The following ARMH4 variants were observed in gnomAD, a reference collection of about 807,000 sequenced individuals.
ARMH4 encodes armadillo-like helical domain-containing protein 4.
A neutral mutation model predicts 61.9 loss-of-function variants in ARMH4; 49 were observed. The ratio of observed to expected loss-of-function variants is 0.79; its 90% CI spans 0.63 to 1.00. ARMH4 has a LOEUF of 1.00. ARMH4 is among the 50% of genes least tolerant of loss of function. The probability of loss-of-function intolerance (pLI) is 0.00; values close to 1 mark genes in which losing one functional copy is unlikely to be tolerated. For synonymous variants in ARMH4, 368 were observed against 341.5 expected (o/e 1.08, Z -0.85); for missense variants, 934 against 930.0 (o/e 1.00, Z -0.06).
In ARMH4 at chr14:58,028,160, A is replaced by AC. The variant is rs112900593; in HGVS notation, c.2090-16011dup. On this transcript the variant is annotated intron_variant, in intron 5 of 7. Transcript: ENST00000267485. ...CACTTGGCCAGGTTCTTAAGATGCTACCCCTCCTGTTTGTTACATTTATTT... is the reference window on the plus strand; with the variant it reads ...CACTTGGCCAGGTTCTTAAGATGCTACCCCCTCCTGTTTGTTACATTTATTT... Among the ~76,000 whole-genome samples, 927 of 152,144 alleles carry AC rather than the reference A, an allele frequency of 6.1e-3. 13 individuals are homozygous for AC. The highest frequency in any genetic ancestry group is 0.021 in the African/African-American group (863 of 41,490).
At chr14:58,086,728 C>CA (rs1885397241) in intron 5 of ARMH4, among the ~76,000 whole-genome samples, 1 of 151,804 alleles carries the variant, frequency 6.6e-6, no homozygotes, top group Non-Finnish European at 1.5e-5. Context: ...TGAGGTTCCC[C>CA]AAAAAAATAA....
chr14:58,139,082 T>A lies in ARMH4; in HGVS notation c.277A>T (p.Asn93Tyr), dbSNP rs372027054. 109 of 1,614,120 alleles carry A rather than the reference T, an allele frequency of 6.8e-5. 1 individual carries two copies. The highest frequency in any genetic ancestry group is 8.9e-5 in the Non-Finnish European group (105 of 1,180,044). ...ATSLNKAFSI[N>Y]KETQPGQAGL... ...GCTTGTCCAGGCTGGGTTTCTTTGT[T>A]AATCGAGAATGCTTTATTTAATGAT... The change falls in exon 2 of 8, where the codon AAC becomes TAC. Residue 93 changes from asparagine to tyrosine, a missense_variant. Coordinates refer to ENST00000267485, the MANE Select transcript of ARMH4 (RefSeq NM_001001872.4).
chr14:58,093,086 C>A (rs893359027), intron 5 of ARMH4, among the ~76,000 whole-genome samples: 2 of 152,044 alleles, frequency 1.3e-5, no homozygotes, highest in Admixed American at 6.5e-5. Context: ...TTATAGGGGG[C>A]TTTTACCCCA....
At chr14:58,140,655 C>G (rs1045974468) in intron 1 of ARMH4, among the ~76,000 whole-genome samples, 1 of 151,834 alleles carries the variant, frequency 6.6e-6, no homozygotes, top group African/African-American at 2.4e-5. Flanking sequence ...AATCCCAGCA[C>G]TTTGGGATAC....
intron 2 of ARMH4, 138 bp downstream of exon 2, chr14:58,137,852 G>T: frequency 1.2e-6 from 1 of 869,138 alleles, no homozygotes; most frequent in South Asian, 1.9e-5. Context: ...CTCCGAAAAT[G>T]CTGGGATTAT....
At chr14:58,103,644 A>C (rs755293768) in intron 4 of ARMH4, among the ~76,000 whole-genome samples, 1 of 151,902 alleles carries the variant, frequency 6.6e-6, no homozygotes, top group East Asian at 1.9e-4. Flanking sequence ...GCTGGAGTGC[A>C]GTAATGTGCA....
chr14:58,072,844 G>C (rs1884928376), intron 5 of ARMH4, among the ~76,000 whole-genome samples: 1 of 152,144 alleles, frequency 6.6e-6, no homozygotes, highest in South Asian at 2.1e-4. Flanking sequence ...CCTGAGACAA[G>C]ACCACAGGGT....
chr14:58,050,777 C>T (rs1398414985), intron 5 of ARMH4, among the ~76,000 whole-genome samples: 2 of 151,902 alleles, frequency 1.3e-5, no homozygotes, highest in African/African-American at 4.8e-5. Context: ...ATAGCCAGAA[C>T]TTTTTCATGT....
At chr14:58,134,792 T>C (rs1341534227) in intron 2 of ARMH4, among the ~76,000 whole-genome samples, 1 of 151,724 alleles carries the variant, frequency 6.6e-6, no homozygotes, top group Non-Finnish European at 1.5e-5. Flanking sequence ...CCATCTCTAC[T>C]AAAAACACAA....
intron 5 of ARMH4, among the ~76,000 whole-genome samples, chr14:58,060,254 C>T (rs1452748712): frequency 6.6e-6 from 1 of 152,186 alleles, no homozygotes; most frequent in Non-Finnish European, 1.5e-5. Context: ...CTCTCCTAAA[C>T]AAGGCAGCAT....
intron 6 of ARMH4, among the ~76,000 whole-genome samples, chr14:58,006,602 T>A (rs1594683335): frequency 6.6e-6 from 1 of 152,286 alleles, no homozygotes; most frequent in Admixed American, 6.5e-5. Flanking sequence ...TTGAGAACAA[T>A]AGCACTGTTC....
In ARMH4 at chr14:58,139,158, T is replaced by G; in HGVS notation, c.201A>C (p.Gln67His). Residue 67 changes from glutamine to histidine, a missense_variant, in exon 2 of 8, where the codon CAA (glutamine) becomes CAC (histidine). Transcript: ENST00000267485. ...NSSVTSKQTPQLVVSEDPMMM... is the reference protein window; with the variant it reads ...NSSVTSKQTPHLVVSEDPMMM... The stretch of plus-strand genomic sequence containing the variant: ...TCATTGGATCTTCAGAGACCACCAG[T>G]TGGGGAGTCTGCTTTGAGGTAACAG... 1 of 1,614,212 alleles carries G rather than the reference T, an allele frequency of 6.2e-7. No individual in the cohort carries two copies. Among genetic ancestry groups the G allele is most frequent in the Non-Finnish European group, 8.5e-7 (1 of 1,180,030 alleles).
chr14:58,058,558 G>A (rs945978290), intron 5 of ARMH4, among the ~76,000 whole-genome samples: 2 of 152,154 alleles, frequency 1.3e-5, no homozygotes, highest in African/African-American at 2.4e-5. Context: ...TAGAGCATAC[G>A]GGGTAACTTC....
At chr14:58,116,385 A>G (rs1314744633) in intron 4 of ARMH4, 2 of 376,214 alleles carry the variant, frequency 5.3e-6, no homozygotes, top group Non-Finnish European at 1.1e-5. Context: ...CTGTTTAAAT[A>G]TTTTCTTGGC....
Position 58,027,074 on chromosome 14 carries a change from C to T in ARMH4, c.2090-14924G>A, listed in dbSNP as rs545165553. 5.8e-4 allele frequency among the ~76,000 whole-genome samples: 88 copies of T among 152,296 alleles called. 1 individual carries two copies. In the South Asian group the frequency reaches 0.017, roughly 29 times the overall value. On this transcript the variant is annotated intron_variant, in intron 5 of 7. Coordinates refer to ENST00000267485, the MANE Select transcript of ARMH4 (RefSeq NM_001001872.4). Reference sequence around the variant, plus strand: ...GTTTGTTTTCCAAAAGTTCCATTTACCAGTTCATAATCTTCACTCCTCACA... The same window carrying T: ...GTTTGTTTTCCAAAAGTTCCATTTATCAGTTCATAATCTTCACTCCTCACA...
intron 5 of ARMH4, among the ~76,000 whole-genome samples, chr14:58,024,932 A>T (rs558016663): frequency 6.6e-6 from 1 of 152,292 alleles, no homozygotes; most frequent in African/African-American, 2.4e-5. Flanking sequence ...CAAAATTATT[A>T]CAGTAGTAAC....
chr14:58,107,540 T>G (rs908795650), intron 4 of ARMH4, among the ~76,000 whole-genome samples: 1 of 151,838 alleles, frequency 6.6e-6, no homozygotes, highest in Non-Finnish European at 1.5e-5. Flanking sequence ...CCAAGGCAAG[T>G]GAATCATGAG....
intron 5 of ARMH4, among the ~76,000 whole-genome samples, chr14:58,048,411 T>C (rs191427432): frequency 6.6e-6 from 1 of 152,364 alleles, no homozygotes; most frequent in Non-Finnish European, 1.5e-5. Context: ...ATTTGCTTTT[T>C]GAAAAGCTGA....
At chr14:58,045,801 T>C (rs1394682330) in intron 5 of ARMH4, among the ~76,000 whole-genome samples, 1 of 151,994 alleles carries the variant, frequency 6.6e-6, no homozygotes, top group Non-Finnish European at 1.5e-5. Context: ...GATGTTCTTA[T>C]AAGAAGATGA....
Sources: allele counts gnomAD v4.1 joint callset (sites outside exome capture counted in the v4.1 genomes callset), GRCh38; gene constraint gnomAD v4.1.1; transcripts MANE v1.5; gene names NCBI Gene and HGNC (gene_info 2026-07-23, HGNC 2026-07-21).